The following PIK3C3 variants were observed in gnomAD, a reference collection of about 807,000 sequenced individuals.
PIK3C3 encodes the protein PI3-kinase type 3.
Under a neutral mutation model 126.1 loss-of-function variants are expected in PIK3C3, and 95 were observed. That is an observed-to-expected ratio of 0.75 (90% confidence interval 0.64 to 0.89). PIK3C3 has a LOEUF of 0.89. Among genes scored for constraint, PIK3C3 ranks in the 40% least tolerant of loss-of-function variants. The probability of loss-of-function intolerance (pLI) is 0.00; values close to 1 mark genes in which losing one functional copy is unlikely to be tolerated. For synonymous variants in PIK3C3, 374 were observed against 360.0 expected (o/e 1.04, Z -0.44); for missense variants, 829 against 1,063.2 (o/e 0.78, Z 3.06).
At chr18:42,006,586 T>C (rs1982556456) in intron 10 of PIK3C3, among the ~76,000 whole-genome samples, 1 of 152,148 alleles carries the variant, frequency 6.6e-6, no homozygotes, top group Non-Finnish European at 1.5e-5. Flanking sequence ...TCAGGTGTGA[T>C]TGAAAGGGGC....
intron 7 of PIK3C3, among the ~76,000 whole-genome samples, chr18:41,993,566 CTTTG>C (rs1981883961): frequency 6.6e-6 from 1 of 151,694 alleles, no homozygotes; most frequent in Admixed American, 6.6e-5. Flanking sequence ...TGGGCATCCA[CTTTG>C]TTTGAATTGC....
intron 21 of PIK3C3, among the ~76,000 whole-genome samples, chr18:42,057,075 G>C (rs1365887262): frequency 7.6e-6 from 1 of 132,226 alleles, no homozygotes; most frequent in Admixed American, 8.2e-5. Flanking sequence ...CCCCCGTGTT[G>C]ACATTTTATG....
intron 24 of PIK3C3, among the ~76,000 whole-genome samples, chr18:42,073,467 T>G (rs560284094): frequency 6.6e-6 from 1 of 152,322 alleles, no homozygotes; most frequent in Non-Finnish European, 1.5e-5. Context: ...TGACAGTGGC[T>G]CTCTCAAAAG....
At chr18:42,043,922 C>T in intron 20 of PIK3C3, 105 bp downstream of exon 20, 1 of 708,738 alleles carries the variant, frequency 1.4e-6, no homozygotes, top group Admixed American at 2.5e-5. Context: ...TATTTAAATG[C>T]TCTATAGGAA....
Position 41,996,623 on chromosome 18 carries a change from C to CT in PIK3C3, c.892-8dup, listed in dbSNP as rs771112170. Reference sequence around the variant, plus strand: ...ATTGTTGACAAAATTAGTTCTTTTTCTTTTTTTGTTTTAGATTATTGTGAG... The same window carrying CT: ...ATTGTTGACAAAATTAGTTCTTTTTCTTTTTTTTGTTTTAGATTATTGTGAG... On this transcript the variant is annotated splice_polypyrimidine_tract_variant and intron_variant, in intron 8 of 24. Transcript: ENST00000262039. The CT allele has an allele frequency of 1.3e-5, 18 of 1,370,548 alleles. No homozygotes were observed. In the African/African-American group the frequency reaches 1.6e-4, roughly 12 times the overall value. The allele number at this position is 1,370,548 out of a possible 1,614,324, so 84.9% of individuals were successfully genotyped here.
intron 15 of PIK3C3, among the ~76,000 whole-genome samples, chr18:42,032,064 T>G (rs1300605282): frequency 6.6e-6 from 1 of 152,240 alleles, no homozygotes. Flanking sequence ...AAGGCAGTGT[T>G]TCACTTCTTA....
At chr18:41,987,167 A>G (rs1259269574) in intron 4 of PIK3C3, among the ~76,000 whole-genome samples, 1 of 152,196 alleles carries the variant, frequency 6.6e-6, no homozygotes, top group East Asian at 1.9e-4. Context: ...ACCTGGTTCT[A>G]ATTTGAGGTC....
intron 24 of PIK3C3, among the ~76,000 whole-genome samples, chr18:42,067,927 C>T (rs1160849562): frequency 6.6e-6 from 1 of 152,306 alleles, no homozygotes; most frequent in South Asian, 2.1e-4. Context: ...CATAGACTTA[C>T]TATTAGCAGT....
chr18:42,055,868 G>C (rs1432711020), intron 21 of PIK3C3, among the ~76,000 whole-genome samples: 1 of 151,950 alleles, frequency 6.6e-6, no homozygotes, highest in Non-Finnish European at 1.5e-5. Context: ...TTTAATCCAA[G>C]AATTACAGAT....
chr18:42,049,652 GT>G, intron 21 of PIK3C3, 47 bp downstream of exon 21: 1 of 1,370,524 alleles, frequency 7.3e-7, no homozygotes, highest in Non-Finnish European at 1.0e-6. Context: ...TATGCCCATG[GT>G]TTTTACCCCT....
intron 9 of PIK3C3, among the ~76,000 whole-genome samples, chr18:42,002,105 C>G (rs1036101746): frequency 2.6e-5 from 4 of 152,062 alleles, no homozygotes; most frequent in Admixed American, 6.6e-5. Context: ...ATTTAAATGA[C>G]AGTAGTAAAA....
At chr18:42,012,517 A>G (rs1349611948) in intron 10 of PIK3C3, among the ~76,000 whole-genome samples, 1 of 152,202 alleles carries the variant, frequency 6.6e-6, no homozygotes, top group Non-Finnish European at 1.5e-5. Flanking sequence ...GATAATACGT[A>G]CATTTAAAAA....
At position 42,013,614 on chromosome 18, in the gene PIK3C3, G is replaced by A. The variant is rs768232450; in HGVS notation, c.1325+18G>A. On this transcript the variant is annotated intron_variant, in intron 11 of 24. Coordinates refer to ENST00000262039, the MANE Select transcript of PIK3C3 (RefSeq NM_002647.4). ...ATAGATAGGTATGGATATCCAGGGA[G>A]GACATATTTTCTAGTTTGTTAATTT... is the stretch of plus-strand genomic sequence containing the variant. 16 of 1,538,472 alleles carry A rather than the reference G, an allele frequency of 1.0e-5. No individual in the cohort carries two copies. Among genetic ancestry groups the A allele is most frequent in the Admixed American group, 8.4e-5 (4 of 47,616 alleles).
At chr18:41,961,859 A>G (rs1455429174) in intron 2 of PIK3C3, among the ~76,000 whole-genome samples, 2 of 152,148 alleles carry the variant, frequency 1.3e-5, no homozygotes, top group African/African-American at 4.8e-5. Flanking sequence ...ATTATTAACA[A>G]ACATTCCTCA....
intron 21 of PIK3C3, chr18:42,053,155 C>T (rs893783458): frequency 2.0e-5 from 3 of 151,986 alleles, no homozygotes; most frequent in African/African-American, 4.8e-5. Flanking sequence ...ACTATTCTAC[C>T]CTGTAAATAT....
At chr18:42,050,217 G>T (rs1984741240) in intron 21 of PIK3C3, 1 of 152,102 alleles carries the variant, frequency 6.6e-6, no homozygotes, top group Admixed American at 6.6e-5. Context: ...GCTCTAGTTA[G>T]ATTGTTAAAA....
intron 22 of PIK3C3, among the ~76,000 whole-genome samples, chr18:42,063,625 T>C (rs1296622579): frequency 6.6e-6 from 1 of 152,168 alleles, no homozygotes; most frequent in Non-Finnish European, 1.5e-5. Flanking sequence ...GAAATGAGGA[T>C]AAAACAGATA....
Position 42,084,264 on chromosome 18 carries a change from T to C in PIK3C3, c.*3127T>C, listed in dbSNP as rs1986345285. Reference sequence around the variant, plus strand: ...CCAGATTGAGATTCTAAGGAGCATTTTGTAAGTAATTACTAATGTTTATTT... The same window carrying C: ...CCAGATTGAGATTCTAAGGAGCATTCTGTAAGTAATTACTAATGTTTATTT... On this transcript the variant is annotated 3_prime_UTR_variant, in exon 25 of 25. Transcript: ENST00000262039. 6.6e-6 allele frequency: 1 copy of C among 152,200 alleles called. No individual in the cohort carries two copies. The highest frequency in any genetic ancestry group is 2.4e-5 in the African/African-American group (1 of 41,444). The allele number at this position is 152,200 out of a possible 1,614,324, so 9.4% of individuals were successfully genotyped here.
chr18:41,993,811 A>C (rs1346156019), intron 7 of PIK3C3, among the ~76,000 whole-genome samples: 1 of 152,052 alleles, frequency 6.6e-6, no homozygotes, highest in East Asian at 1.9e-4. Context: ...TCAATTTGGA[A>C]CGTGGTAACT....
Sources: allele counts gnomAD v4.1 joint callset (sites outside exome capture counted in the v4.1 genomes callset), GRCh38; gene constraint gnomAD v4.1.1; transcripts MANE v1.5; gene names NCBI Gene and HGNC (gene_info 2026-07-23, HGNC 2026-07-21).